The following F11R variants were observed in gnomAD, a reference collection of about 807,000 sequenced individuals.
F11R encodes F11 receptor, also known as junctional adhesion molecule A.
In F11R, 27 loss-of-function variants were observed where a neutral mutation model predicts 39.3. The observed-to-expected ratio is 0.69, with a 90% CI of 0.51 to 0.95. F11R has a LOEUF of 0.95. Ranked by LOEUF, F11R falls within the 40% of genes least tolerant of loss-of-function variation. F11R has a pLI of 0.00. For synonymous variants in F11R, 131 were observed against 144.9 expected, an observed-to-expected ratio of 0.90 and a Z score of 0.69; for missense variants, 335 against 372.7, an observed-to-expected ratio of 0.90 and a Z score of 0.83.
intron 1 of F11R, among the ~76,000 whole-genome samples, chr1:161,016,272 C>G (rs1480295781): frequency 6.6e-6 from 1 of 151,944 alleles, no homozygotes. Flanking sequence ...GTCAGGAGAT[C>G]AAGACCATCC....
At chr1:161,010,908 A>T (rs1222035944) in intron 1 of F11R, among the ~76,000 whole-genome samples, 1 of 132,130 alleles carries the variant, frequency 7.6e-6, no homozygotes, top group African/African-American at 2.8e-5. Flanking sequence ...TGGGAGGTGG[A>T]GGTTGCAGTG....
At chr1:161,011,147 C>A (rs1649136328) in intron 1 of F11R, among the ~76,000 whole-genome samples, 2 of 151,772 alleles carry the variant, frequency 1.3e-5, no homozygotes, top group African/African-American at 4.8e-5. Flanking sequence ...ATTCTCCTGC[C>A]TCAGCCTCTC....
At chr1:161,017,829 G>A (rs1393008538) in intron 1 of F11R, among the ~76,000 whole-genome samples, 5 of 152,192 alleles carry the variant, frequency 3.3e-5, no homozygotes, top group Middle Eastern at 3.2e-3. Flanking sequence ...TTTGAGGTAT[G>A]CCTGCCCCTG....
chr1:161,017,221 G>A (rs866271872), intron 1 of F11R, among the ~76,000 whole-genome samples: 1 of 152,150 alleles, frequency 6.6e-6, no homozygotes, highest in South Asian at 2.1e-4. Context: ...CGTGGGAAGG[G>A]AAAGACCTGA....
rs767112893 is a variant in F11R, at chr1:161,021,111, T to C, written c.-38A>G. 2.5e-6 allele frequency: 4 copies of C among 1,585,412 alleles called. No homozygotes were observed. Among genetic ancestry groups the C allele is most frequent in the Non-Finnish European group, 3.5e-6 (4 of 1,155,560 alleles). Reference sequence around the variant, plus strand: ...CCCGACACAACAGCCGCCGAAGGACTCCTGGGAACAGACACAGCTCCGCGA... The same window carrying C: ...CCCGACACAACAGCCGCCGAAGGACCCCTGGGAACAGACACAGCTCCGCGA... On this transcript the variant is annotated 5_prime_UTR_variant, in exon 1 of 10. Transcript: ENST00000368026.
intron 1 of F11R, among the ~76,000 whole-genome samples, chr1:161,001,864 G>A (rs533644427): frequency 5.9e-5 from 9 of 152,278 alleles, no homozygotes; most frequent in East Asian, 1.9e-4. Context: ...ATTATGACAC[G>A]TTGCATCATT....
intron 3 of F11R, 85 bp from the exon 4 acceptor site, chr1:161,000,862 G>A: frequency 6.4e-7 from 1 of 1,556,836 alleles, no homozygotes; most frequent in Non-Finnish European, 8.8e-7. Context: ...AGGTACGCAA[G>A]TGCTCTCCTC....
At chr1:161,008,502 A>G (rs1331000892) in intron 1 of F11R, among the ~76,000 whole-genome samples, 1 of 145,642 alleles carries the variant, frequency 6.9e-6, no homozygotes, top group African/African-American at 2.5e-5. Flanking sequence ...ACCCCGTCTC[A>G]AAAAAAAAAA....
intron 1 of F11R, among the ~76,000 whole-genome samples, chr1:161,014,599 C>T (rs957661458): frequency 1.3e-5 from 2 of 152,184 alleles, no homozygotes; most frequent in Non-Finnish European, 2.9e-5. Flanking sequence ...ATAGCCTCAG[C>T]TATTCAGGAG....
chr1:161,020,968 T>C, intron 1 of F11R, 42 bp downstream of exon 1: 1 of 1,599,292 alleles, frequency 6.3e-7, no homozygotes. Context: ...CTCCAACCTC[T>C]GACCCGACCA....
At chr1:161,018,050 A>G (rs139404590) in intron 1 of F11R, among the ~76,000 whole-genome samples, 1 of 152,290 alleles carries the variant, frequency 6.6e-6, no homozygotes, top group African/African-American at 2.4e-5. Flanking sequence ...AAGTTGACCT[A>G]TCCACACTCA....
At chr1:161,019,267 G>T (rs534662219) in intron 1 of F11R, among the ~76,000 whole-genome samples, 1 of 152,096 alleles carries the variant, frequency 6.6e-6, no homozygotes, top group Admixed American at 6.6e-5. Flanking sequence ...GGAAAAAAGG[G>T]AAATTAAAGA....
chr1:161,018,051 T>G (rs1246845866), intron 1 of F11R, among the ~76,000 whole-genome samples: 1 of 152,202 alleles, frequency 6.6e-6, no homozygotes, highest in Non-Finnish European at 1.5e-5. Context: ...AGTTGACCTA[T>G]CCACACTCAC....
Position 160,999,741 on chromosome 1 carries a change from C to A in F11R, c.701G>T (p.Arg234Leu). 1 of 1,614,076 alleles carries A rather than the reference C, an allele frequency of 6.2e-7. No individual in the cohort carries two copies. Among genetic ancestry groups the A allele is most frequent in the Non-Finnish European group, 8.5e-7 (1 of 1,179,962 alleles). ...SNAVRMEAVE[R>L]NVGVIVAAVL... ...GGCTGCCACGATGACCCCCACATTC[C>A]GCTCCACTGCGAGACACAAATAAGA... The change falls in exon 7 of 10, where the codon CGG becomes CTG. Residue 234 changes from arginine (R) to leucine (L), a missense_variant. Physicochemically the swap from Arg to Leu is moderately radical, Grantham distance 102 (BLOSUM62 -2). Coordinates refer to ENST00000368026, the MANE Select transcript of F11R (RefSeq NM_016946.6).
intron 1 of F11R, among the ~76,000 whole-genome samples, chr1:161,018,850 C>A (rs1263880421): frequency 1.3e-5 from 2 of 152,160 alleles, no homozygotes; most frequent in African/African-American, 4.8e-5. Flanking sequence ...CAGGCTAATG[C>A]GACATCATCT....
intron 1 of F11R, among the ~76,000 whole-genome samples, chr1:161,014,300 T>G (rs2101987143): frequency 6.6e-6 from 1 of 152,314 alleles, no homozygotes; most frequent in African/African-American, 2.4e-5. Context: ...TTTTTGGGTG[T>G]GGTGGAAACG....
At chr1:161,020,966 T>G (rs1344754994) in intron 1 of F11R, 44 bp downstream of exon 1, 1 of 1,595,058 alleles carries the variant, frequency 6.3e-7, no homozygotes, top group Non-Finnish European at 8.6e-7. Flanking sequence ...TCCTCCAACC[T>G]CTGACCCGAC....
intron 1 of F11R, among the ~76,000 whole-genome samples, chr1:161,006,491 A>G (rs1172567564): frequency 6.6e-6 from 1 of 152,230 alleles, no homozygotes; most frequent in Non-Finnish European, 1.5e-5. Context: ...GTTTAGCTAA[A>G]GTTCTTTGTT....
At chr1:161,002,261 CAAAAAAAAA>C (rs34007325) in intron 1 of F11R, among the ~76,000 whole-genome samples, 1 of 68,668 alleles carries the variant, frequency 1.5e-5, no homozygotes, top group Non-Finnish European at 2.8e-5. Context: ...GACTCAATCT[CAAAAAAAAA>C]AAAAAAAAAA....
Sources: allele counts gnomAD v4.1 joint callset (sites outside exome capture counted in the v4.1 genomes callset), GRCh38; gene constraint gnomAD v4.1.1; transcripts MANE v1.5; gene names NCBI Gene and HGNC (gene_info 2026-07-23, HGNC 2026-07-21).